Variants in RUNX3 observed in about 807,000 individuals in gnomAD.
RUNX3 encodes the protein RUNX family transcription factor 3.
In RUNX3, 10 loss-of-function variants were observed where a neutral mutation model predicts 27.7. That is an observed-to-expected ratio of 0.36 (90% CI 0.22 to 0.61). The LOEUF (loss-of-function observed/expected upper bound fraction) is 0.61. Ranked by LOEUF, RUNX3 falls within the 20% of genes least tolerant of loss-of-function variation. The probability of loss-of-function intolerance (pLI) is 0.72; values close to 1 mark genes in which losing one functional copy is unlikely to be tolerated. For synonymous variants in RUNX3, 270 were observed against 269.2 expected (o/e 1.00, Z -0.03); for missense variants, 469 against 629.5 (o/e 0.75, Z 2.73).
intron 1 of RUNX3, 83 bp downstream of exon 1, chr1:24,929,504 C>G (rs1422849655): frequency 1.4e-6 from 2 of 1,382,826 alleles, no homozygotes; most frequent in Admixed American, 3.9e-5. Flanking sequence ...CCCATCCCCA[C>G]TGCTCCCGAG....
intron 3 of RUNX3, among the ~76,000 whole-genome samples, chr1:24,913,675 C>T (rs138228881): frequency 8.3e-4 from 126 of 152,360 alleles, no homozygotes; most frequent in African/African-American, 2.8e-3. Flanking sequence ...TGGGGACTCA[C>T]CAGGGTCACG....
intron 4 of RUNX3, among the ~76,000 whole-genome samples, chr1:24,905,072 G>A (rs1640638863): frequency 6.6e-6 from 1 of 152,184 alleles, no homozygotes. Context: ...AGGTGCTGGG[G>A]TCTCTGCACT....
chr1:24,911,527 G>T (rs1243961865), intron 3 of RUNX3, among the ~76,000 whole-genome samples: 1 of 152,194 alleles, frequency 6.6e-6, no homozygotes, highest in East Asian at 1.9e-4. Context: ...GCTGGCCTAA[G>T]GTGTGGACAC....
At chr1:24,930,397 C>T (rs1557847441), upstream of RUNX3, 3 of 216,172 alleles carry the variant, frequency 1.4e-5, no homozygotes, top group Non-Finnish European at 1.6e-5. This position sits in a 1 kb window ranked among gnomAD's most constrained non-coding sequence, Gnocchi z 4.1. Context: ...GTGGCGTTCG[C>T]GGGGAGGAAC....
intron 2 of RUNX3, among the ~76,000 whole-genome samples, chr1:24,935,594 G>A (rs917843635): frequency 1.3e-5 from 2 of 152,206 alleles, no homozygotes; most frequent in African/African-American, 4.8e-5. Context: ...CGGTTACCAG[G>A]GAAGGGGTTT....
chr1:24,918,684 A>C (rs1361304149), intron 3 of RUNX3, among the ~76,000 whole-genome samples: 1 of 152,182 alleles, frequency 6.6e-6, no homozygotes, highest in Non-Finnish European at 1.5e-5. Context: ...TTCAGCAAGC[A>C]GAGAGAATTA....
At chr1:24,933,857 C>T (rs149307428), upstream of RUNX3, among the ~76,000 whole-genome samples, 276 of 152,280 alleles carry the variant, frequency 1.8e-3, 1 homozygote, top group Middle Eastern at 6.8e-3. Context: ...CCTAGTCCAG[C>T]GAAGAGAGCA....
chr1:24,964,457 G>A (rs1044998981), intron 2 of RUNX3: 16 of 1,439,836 alleles, frequency 1.1e-5, no homozygotes, highest in African/African-American at 1.4e-5. Flanking sequence ...GTGGAGGGAC[G>A]TGGTCCGGGG....
chr1:24,924,411 T>C (rs1292994109), intron 2 of RUNX3, among the ~76,000 whole-genome samples: 1 of 132,646 alleles, frequency 7.5e-6, no homozygotes, highest in Non-Finnish European at 1.7e-5. Flanking sequence ...CCTAACTCAG[T>C]TTTACATAAA....
In RUNX3 at chr1:24,904,800, G is replaced by C. The variant is rs1276697569; in HGVS notation, c.704-2134C>G. Reference sequence around the variant, plus strand: ...ACCACCCCTCCTCCGGGGTGGTGGGGGAAGTACCTGCCCTCAGCACTCCCT... The same window carrying C: ...ACCACCCCTCCTCCGGGGTGGTGGGCGAAGTACCTGCCCTCAGCACTCCCT... On this transcript the variant is annotated intron_variant, in intron 4 of 4. Coordinates refer to ENST00000308873, the MANE Select transcript of RUNX3 (RefSeq NM_004350.3). The surrounding 1 kb of genome is among the most constrained non-coding windows in gnomAD (Gnocchi z 5.7). 6.6e-6 allele frequency among the ~76,000 whole-genome samples: 1 copy of C among 152,038 alleles called. No homozygotes were observed. Among genetic ancestry groups the C allele is most frequent in the Middle Eastern group, 3.2e-3 (1 of 314 alleles).
intron 2 of RUNX3, among the ~76,000 whole-genome samples, chr1:24,921,159 T>G (rs993230657): frequency 4.6e-5 from 7 of 152,148 alleles, no homozygotes; most frequent in African/African-American, 1.7e-4. Context: ...AGTGAGCAGG[T>G]AGGTTTCAAC....
intron 1 of RUNX3, chr1:24,929,214 C>T (rs1641161013): frequency 3.9e-6 from 2 of 511,540 alleles, no homozygotes; most frequent in Non-Finnish European, 3.8e-6. Context: ...CCGTTCGCAC[C>T]CCACCCGCGG....
At chr1:24,964,853 C>G in exon 1 of RUNX3, 1 of 655,458 alleles carries the variant, frequency 1.5e-6, no homozygotes, top group East Asian at 3.6e-5. Context: ...TTTGGATTCC[C>G]GGTCCCACAG....
Position 24,902,327 on chromosome 1 carries a change from C to T in RUNX3, c.1043G>A (p.Gly348Asp). 2 of 1,609,990 alleles carry T rather than the reference C, an allele frequency of 1.2e-6. No homozygotes were observed. The highest frequency in any genetic ancestry group is 1.7e-6 in the Non-Finnish European group (2 of 1,179,302). ...TGAGCGGTCGCCCCCACTGCTGCTG[C>T]CGGCCACCATGGAGAACTGGTAGGA... ...SGSYQFSMVA[G>D]SSSGGDRSPT... The change falls in exon 5 of 5, where the codon GGC becomes GAC. Residue 348 changes from glycine to aspartate, a missense_variant. Coordinates refer to ENST00000308873, the MANE Select transcript of RUNX3 (RefSeq NM_004350.3). This position sits in a 1 kb window ranked among gnomAD's most constrained non-coding sequence, Gnocchi z 9.2.
rs747901038 is a variant in RUNX3 at position 24,943,408 on chromosome 1, G to T, written c.59-13556C>A. 6.6e-6 allele frequency among the ~76,000 whole-genome samples: 1 copy of T among 152,116 alleles called. No homozygotes were observed. The highest frequency in any genetic ancestry group is 1.5e-5 in the Non-Finnish European group (1 of 68,016). On this transcript the variant is annotated intron_variant, in intron 2 of 6. Coordinates refer to the RUNX3 transcript ENST00000338888. The surrounding 1 kb of genome is among the most constrained non-coding windows in gnomAD (Gnocchi z 4.6). ...TAGCTCCCACTGATGGTGTGCTCAC[G>T]GTGCCAGGCACGGTTCTGAGAACTC...
rs773403827 is a variant in RUNX3, at chr1:24,902,456, T to C, written c.914A>G (p.His305Arg). The stretch of plus-strand genomic sequence containing the variant: ...CGGGTAGGGTGGCGGGAGGTAGGTA[T>C]GGTGGAAGCGGCTGGTGGCCGGCAT... ...AGMPATSRFH[H>R]TYLPPPYPGA... is the part of the protein sequence containing the mutation. The change falls in exon 5 of 5, where the codon CAT becomes CGT. Residue 305 changes from histidine (H) to arginine (R), a missense_variant. Physicochemically the swap from His to Arg is conservative, Grantham distance 29. Around this residue, in one of 3 missense-constraint regions of RUNX3, gnomAD observed 279 missense variants for 343.0 expected, o/e 0.81. Transcript: ENST00000308873. This position sits in a 1 kb window ranked among gnomAD's most constrained non-coding sequence, Gnocchi z 9.2. The C allele has an allele frequency of 3.1e-6, 5 of 1,602,484 alleles. No homozygotes were observed. The highest frequency in any genetic ancestry group is 4.3e-6 in the Non-Finnish European group (5 of 1,171,244).
chr1:24,910,692 A>C (rs544277885), intron 3 of RUNX3, among the ~76,000 whole-genome samples: 1 of 152,310 alleles, frequency 6.6e-6, no homozygotes, highest in African/African-American at 2.4e-5. Context: ...GGGCTCAGCC[A>C]GTCACCAAGA....
At position 24,907,343 on chromosome 1, in the gene RUNX3, G is replaced by T; in HGVS notation, c.619C>A (p.Arg207=). The change falls in exon 4 of 5, where the codon CGG becomes AGG. Residue 207 remains arginine, a synonymous_variant. Transcript: ENST00000308873. The part of the protein sequence containing the change: ...RFGDLERLRM[R]VTPSTPSPRG... Reference sequence around the variant, plus strand: ...GGGCTGGGTGTGCTCGGTGTCACCCGCATGCGCAGCCGTTCCAGGTCCCCA... The same window carrying T: ...GGGCTGGGTGTGCTCGGTGTCACCCTCATGCGCAGCCGTTCCAGGTCCCCA... The T allele has an allele frequency of 6.2e-7, 1 of 1,613,658 alleles. No homozygotes were observed. The highest frequency in any genetic ancestry group is 8.5e-7 in the Non-Finnish European group (1 of 1,179,986).
In RUNX3 at chr1:24,929,446, C is replaced by T. The variant is rs375758706; in HGVS notation, c.282+141G>A. On this transcript the variant is annotated intron_variant, in intron 1 of 4. Transcript: ENST00000308873. ...CGAGGTCCCGGAGCCGAGCGCGCAG[C>T]CAGACTGAACCGGGTGCCCGGGTGT... is the stretch of plus-strand genomic sequence containing the variant. 4.7e-6 allele frequency: 4 copies of T among 858,610 alleles called. No individual in the cohort carries two copies. In the African/African-American group the frequency reaches 5.0e-5, roughly 11 times the overall value. 53.2% of individuals were successfully genotyped at this position (858,610 alleles called of 1,614,324 possible). A position where few individuals can be genotyped will look rare whatever the true frequency, so the allele number is the denominator to read the frequency against.
Sources: allele counts gnomAD v4.1 joint callset (sites outside exome capture counted in the v4.1 genomes callset), GRCh38; gene constraint gnomAD v4.1.1; regional missense constraint gnomAD v4.1.1; non-coding constraint Gnocchi (gnomAD v3.1); transcripts MANE v1.5; gene names NCBI Gene and HGNC (gene_info 2026-07-23, HGNC 2026-07-21).